SEMA4G: variants seen among roughly 807,000 people sequenced by gnomAD.
SEMA4G encodes the protein semaphorin 4G, also known as semaphorin-4G.
SEMA4G carries 59 observed loss-of-function variants against 81.2 expected under a neutral mutation model. The ratio of observed to expected loss-of-function variants is 0.73; its 90% CI spans 0.59 to 0.90. SEMA4G has a LOEUF of 0.90. Among genes scored for constraint, SEMA4G ranks in the 40% least tolerant of loss-of-function variants. The probability of loss-of-function intolerance (pLI) is 0.00; values close to 1 mark genes in which losing one functional copy is unlikely to be tolerated. For synonymous variants in SEMA4G, 404 were observed against 433.9 expected (o/e 0.93, Z 0.86); for missense variants, 952 against 1,102.3 (o/e 0.86, Z 1.93).
At chr10:100,983,217 C>T (rs1394125485) in intron 13 of SEMA4G, 88 bp from the exon 15 acceptor site, 1 of 1,398,892 alleles carries the variant, frequency 7.1e-7, no homozygotes, top group African/African-American at 1.5e-5. Flanking sequence ...TGCTTGGTGC[C>T]AGGGACTTGG....
intron 3 of SEMA4G, among the ~76,000 whole-genome samples, chr10:100,975,279 C>T (rs1389695260): frequency 6.6e-6 from 1 of 152,224 alleles, no homozygotes; most frequent in Admixed American, 6.5e-5. Flanking sequence ...GCCCAAGAGT[C>T]TGCAATTCTA....
rs553260640 is a variant in SEMA4G, at chr10:100,980,318, C to T, written c.1325C>T (p.Thr442Ile). Reference sequence around the variant, plus strand: ...CCTGTCACCACGCCTGCTGGACCTACCTATGACCTGCTCTTTCTGGGCACA... The same window carrying T: ...CCTGTCACCACGCCTGCTGGACCTATCTATGACCTGCTCTTTCTGGGCACA... The change falls in exon 10 of 14, where the codon ACC (threonine) becomes ATC (isoleucine). Residue 442 changes from threonine to isoleucine, a missense_variant. Around this residue, in one of 3 missense-constraint regions of SEMA4G, gnomAD observed 131 missense variants for 200.7 expected, o/e 0.65. Transcript: ENST00000370250. 4 of 1,614,226 alleles carry T rather than the reference C, an allele frequency of 2.5e-6. No individual in the cohort carries two copies. The South Asian group carries it at 4.4e-5, about 18-fold the overall frequency.
chr10:100,982,987 T>A (rs1483973422), intron 13 of SEMA4G, among the ~76,000 whole-genome samples: 1 of 152,140 alleles, frequency 6.6e-6, no homozygotes, highest in Non-Finnish European at 1.5e-5. Flanking sequence ...CAGCACATGG[T>A]AGATATCCGA....
At chr10:100,972,855 A>C in exon 1 of SEMA4G, 5 of 1,557,218 alleles carry the variant, frequency 3.2e-6, no homozygotes, top group African/African-American at 1.4e-5. Flanking sequence ...CCCCGCCCCC[A>C]CAACCTGTGA....
upstream of SEMA4G, among the ~76,000 whole-genome samples, chr10:100,970,183 G>A (rs1850589768): frequency 6.6e-6 from 1 of 152,142 alleles, no homozygotes; most frequent in East Asian, 1.9e-4. Context: ...AGAGTTCAGG[G>A]GGCTGGCCCT....
In SEMA4G at chr10:100,983,369, C is replaced by T. The variant is rs768472015; in HGVS notation, c.1755C>T (p.Asp585=). 1.6e-5 allele frequency: 26 copies of T among 1,606,676 alleles called. No homozygotes were observed. In the Admixed American group the frequency reaches 4.2e-4, roughly 26 times the overall value. The change falls in exon 14 of 14, where the codon GAC becomes GAT. Residue 585 remains aspartate, a synonymous_variant. Coordinates refer to ENST00000370250, the Ensembl canonical transcript of SEMA4G. ...GTGATGATGTCCTCCTGCCCTGTGA[C>T]CAGCCATCCAACCTGGCCCGGGCCT...
In SEMA4G at chr10:100,981,242, T is replaced by A; in HGVS notation, c.1690+13T>A. On this transcript the variant is annotated intron_variant, in intron 13 of 13. Coordinates refer to ENST00000370250, the Ensembl canonical transcript of SEMA4G. ...AGCAGGGATACAGGTAAGTGACTCA[T>A]ATGAGTGTGGGTCTAGCTACGCAGA... 2 of 1,613,774 alleles carry A rather than the reference T, an allele frequency of 1.2e-6. No homozygotes were observed. Among genetic ancestry groups the A allele is most frequent in the Non-Finnish European group, 1.7e-6 (2 of 1,179,618 alleles).
At position 100,983,416 on chromosome 10, in the gene SEMA4G, T is replaced by C. The variant is rs1851221493; in HGVS notation, c.1802T>C (p.Met601Thr). The stretch of plus-strand genomic sequence containing the variant: ...GCCTTGTGGCTACTCAATGGGAGCA[T>C]GGGCCTGAGCGATGGGCAGGGTGGC... The change falls in exon 14 of 14, where the codon ATG (methionine) becomes ACG (threonine). Residue 601 changes from methionine to threonine, a missense_variant. This residue lies in a region of SEMA4G where 385 missense variants were observed against 413.5 expected (regional missense o/e 0.93). Transcript: ENST00000370250. 1.2e-6 allele frequency: 2 copies of C among 1,613,114 alleles called. No individual in the cohort carries two copies. The highest frequency in any genetic ancestry group is 1.1e-5 in the South Asian group (1 of 90,894).
Position 100,978,840 on chromosome 10 carries a change from G to A in SEMA4G, c.644-9G>A, listed in dbSNP as rs371867636. 35 of 1,612,456 alleles carry A rather than the reference G, an allele frequency of 2.2e-5. No individual in the cohort carries two copies. In the African/African-American group the frequency reaches 3.5e-4, roughly 16 times the overall value. ...GTCTCAAAAGCCTCTCAAACTGCCTGACCCACAGATGCGGAGTTTGTGTTC... is the reference window on the plus strand; with the variant it reads ...GTCTCAAAAGCCTCTCAAACTGCCTAACCCACAGATGCGGAGTTTGTGTTC... On this transcript the variant is annotated splice_polypyrimidine_tract_variant and intron_variant, in intron 6 of 13. Transcript: ENST00000370250.
chr10:100,983,912 A>ACCCCCCC lies in SEMA4G; in HGVS notation c.2303_2304insCCCCCCC (p.Pro771ThrfsTer8). Reference sequence around the variant, plus strand: ...CTGGGGAGGGAGCCCCAGCCCCACCACCCCCACCGCCCCCACCGCCACCGG... The same window carrying ACCCCCCC: ...CTGGGGAGGGAGCCCCAGCCCCACCACCCCCCCCCCCCACCGCCCCCACCGCCACCGG... On this transcript the variant is annotated frameshift_variant, in exon 14 of 14. Coordinates refer to ENST00000370250, the Ensembl canonical transcript of SEMA4G. LOFTEE classifies it high-confidence loss of function. The ACCCCCCC allele has an allele frequency of 1.6e-5, 3 of 185,356 alleles. No homozygotes were observed. In the South Asian group the frequency reaches 2.0e-4, roughly 13 times the overall value. 11.5% of individuals were successfully genotyped at this position (185,356 alleles called of 1,614,324 possible).
chr10:100,985,274 CCT>C (rs971792769), downstream of SEMA4G: 9 of 185,092 alleles, frequency 4.9e-5, no homozygotes, highest in Non-Finnish European at 1.0e-4. Flanking sequence ...AGCTCCTACC[CCT>C]GTCCTACCTC....
exon 14 of SEMA4G, chr10:100,983,843 T>A: frequency 6.3e-7 from 1 of 1,593,662 alleles, no homozygotes; most frequent in South Asian, 1.1e-5. Flanking sequence ...AGGGTGATGA[T>A]GAGGGGGCTG....
intron 4 of SEMA4G, chr10:100,978,006 C>T (rs1850876488): frequency 1.8e-6 from 1 of 570,462 alleles, no homozygotes; most frequent in Non-Finnish European, 3.1e-6. Context: ...GGCCTTGATC[C>T]CCTGGACAGC....
chr10:100,975,628 C>T (rs1228673008), intron 3 of SEMA4G, among the ~76,000 whole-genome samples: 2 of 152,114 alleles, frequency 1.3e-5, no homozygotes, highest in African/African-American at 4.8e-5. Flanking sequence ...GAGGCCGAGG[C>T]GGGTGGATCA....
chr10:100,981,451 C>G, intron 13 of SEMA4G: 1 of 1,614,090 alleles, frequency 6.2e-7, no homozygotes, highest in Non-Finnish European at 8.5e-7. Context: ...AGTGTCTTGT[C>G]ACTTCTGGAG....
chr10:100,984,429 T>C (rs781060343), exon 14 of SEMA4G: 48 of 1,488,140 alleles, frequency 3.2e-5, no homozygotes, highest in South Asian at 6.6e-5. Flanking sequence ...TAAACACTTA[T>C]AGGTGAGGAC....
At chr10:100,983,358 C>A in exon 14 of SEMA4G, 1 of 1,602,454 alleles carries the variant, frequency 6.2e-7, no homozygotes, top group Non-Finnish European at 8.5e-7. Context: ...TGATGTCCTC[C>A]TGCCCTGTGA....
At chr10:100,971,435 A>G (rs1290441308), upstream of SEMA4G, among the ~76,000 whole-genome samples, 1 of 152,132 alleles carries the variant, frequency 6.6e-6, no homozygotes, top group Non-Finnish European at 1.5e-5. Flanking sequence ...TCTCCCTTTC[A>G]TATTTGACTC....
At position 100,977,980 on chromosome 10, in the gene SEMA4G, T is replaced by G. The variant is rs974705374; in HGVS notation, c.435+250T>G. On this transcript the variant is annotated intron_variant, in intron 4 of 13. Coordinates refer to ENST00000370250, the Ensembl canonical transcript of SEMA4G. ...ATCACCTCCACCTGGCAAACTTCAT[T>G]TAACCCAAAACAAAGGGCCTTGATC... is the stretch of plus-strand genomic sequence containing the variant. 14 of 572,876 alleles carry G rather than the reference T, an allele frequency of 2.4e-5. No homozygotes were observed. The East Asian group carries it at 4.1e-4, about 17-fold the overall frequency. The allele number at this position is 572,876 out of a possible 1,614,324, so 35.5% of individuals were successfully genotyped here. A position where few individuals can be genotyped will look rare whatever the true frequency, so the allele number is the denominator to read the frequency against.
Sources: gnomAD v4.1 joint callset for allele counts (sites outside exome capture counted in the v4.1 genomes callset) on GRCh38, gnomAD v4.1.1 for gene constraint, gnomAD v4.1.1 regional missense constraint, MANE v1.5 for transcripts, NCBI Gene and HGNC (gene_info 2026-07-23, HGNC 2026-07-21) for gene names.